CELF2: variants seen among roughly 807,000 people sequenced by gnomAD.
CELF2 encodes the protein CUGBP Elav-like family member 2, also known as CUG triplet repeat RNA-binding protein 2.
A neutral mutation model predicts 62.6 loss-of-function variants in CELF2; 8 were observed. The observed-to-expected ratio is 0.13, with a 90% CI of 0.07 to 0.23. The LOEUF (loss-of-function observed/expected upper bound fraction) is 0.23, where lower values mean the gene tolerates loss of function less well. Among genes scored for constraint, CELF2 ranks in the 10% least tolerant of loss-of-function variants. The pLI, the probability that CELF2 is intolerant of heterozygous loss-of-function variation, is 1.00. For synonymous variants in CELF2, 258 were observed against 250.0 expected (o/e 1.03, Z -0.30); for missense variants, 333 against 671.0 (o/e 0.50, Z 5.56).
At chr10:11,057,953 C>G (rs2065711988) in intron 1 of CELF2, among the ~76,000 whole-genome samples, 1 of 151,488 alleles carries the variant, frequency 6.6e-6, no homozygotes, top group African/African-American at 2.4e-5. Flanking sequence ...GAAGCTTTTT[C>G]TTCTTCCTCT....
chr10:11,082,568 T>A (rs1040027550), intron 1 of CELF2, among the ~76,000 whole-genome samples: 1 of 152,250 alleles, frequency 6.6e-6, no homozygotes, highest in Non-Finnish European at 1.5e-5. Context: ...ACTCCTCTTC[T>A]GTGGCTCTCA....
chr10:11,129,007 T>C (rs1022320636), intron 1 of CELF2, among the ~76,000 whole-genome samples: 1 of 152,224 alleles, frequency 6.6e-6, no homozygotes, highest in Non-Finnish European at 1.5e-5. Context: ...TGATATTGGC[T>C]GTGGGTTTGT....
chr10:11,188,010 T>C (rs75174417), intron 2 of CELF2, among the ~76,000 whole-genome samples: 4,591 of 152,332 alleles, frequency 0.03, 222 homozygotes, highest in African/African-American at 0.1. Context: ...TTAATATTTC[T>C]TGGGCAGCCA....
intron 2 of CELF2, among the ~76,000 whole-genome samples, chr10:10,966,292 A>G (rs1034038186): frequency 1.3e-5 from 2 of 152,190 alleles, no homozygotes; most frequent in Non-Finnish European, 2.9e-5. Flanking sequence ...GGAGACTCCA[A>G]TGCTGCTTTT....
chr10:10,512,245 A>T, the CELF2 span, among the ~76,000 whole-genome samples: 1 of 152,164 alleles, frequency 6.6e-6, no homozygotes, highest in Non-Finnish European at 1.5e-5. Flanking sequence ...TGTGCTGCTG[A>T]TGGCAACATC....
At chr10:11,205,493 G>A (rs368521856) in intron 2 of CELF2, among the ~76,000 whole-genome samples, 78 of 152,272 alleles carry the variant, frequency 5.1e-4, no homozygotes, top group Middle Eastern at 3.4e-3. Flanking sequence ...ATTTTCATAC[G>A]TTGTTTGGCT....
chr10:10,915,056 T>C (rs1347657237), intron 1 of CELF2, among the ~76,000 whole-genome samples: 1 of 150,874 alleles, frequency 6.6e-6, no homozygotes, highest in African/African-American at 2.4e-5. Flanking sequence ...CACTTGATCC[T>C]GGGAGGCGGA....
At chr10:11,097,105 C>T (rs930010889) in intron 1 of CELF2, among the ~76,000 whole-genome samples, 2 of 152,132 alleles carry the variant, frequency 1.3e-5, no homozygotes, top group Non-Finnish European at 2.9e-5. Context: ...TCATGTTTTC[C>T]CTGGGCAATT....
the CELF2 span, among the ~76,000 whole-genome samples, chr10:10,701,484 G>A: frequency 6.6e-6 from 1 of 152,236 alleles, no homozygotes; most frequent in Non-Finnish European, 1.5e-5. Context: ...GCAACTGTAA[G>A]TCTTGGTTAC....
the CELF2 span, among the ~76,000 whole-genome samples, chr10:10,547,998 G>A: frequency 2.0e-3 from 309 of 152,150 alleles, no homozygotes; most frequent in Non-Finnish European, 2.4e-3. Context: ...ATGATTTTTC[G>A]ATTTCATGTT....
At chr10:11,079,672 A>G (rs780881833) in intron 1 of CELF2, among the ~76,000 whole-genome samples, 3 of 152,080 alleles carry the variant, frequency 2.0e-5, no homozygotes, top group Non-Finnish European at 4.4e-5. Flanking sequence ...CTGTAAGTCA[A>G]TTAAACCTCT....
rs1565774804 is a variant in CELF2, at chr10:11,285,831, GTGT to G, written c.842-2586_842-2584del. ...CATCACCTACTATATATATTGGTGT[GTGT>G]GTGTGTGTGTGTGTGTGTGTGTGTG... is the stretch of plus-strand genomic sequence containing the variant. On this transcript the variant is annotated intron_variant, in intron 8 of 12. Coordinates refer to ENST00000633077, the MANE Select transcript of CELF2 (RefSeq NM_001326342.2). This position sits in a 1 kb window ranked among gnomAD's most constrained non-coding sequence, Gnocchi z 4.3. Among the ~76,000 whole-genome samples the G allele has an allele frequency of 3.3e-3, 46 of 13,756 alleles. No individual in the cohort carries two copies. The highest frequency in any genetic ancestry group is 0.011 in the African/African-American group (45 of 4,262). The allele number at this position is 13,756 out of a possible 152,430, so 9.0% of individuals were successfully genotyped here.
chr10:11,012,721 G>T lies in CELF2; in HGVS notation c.53+7281G>T, dbSNP rs905460499. ...TTGGGGAAAACATGTCGTCGGGGTG[G>T]GGGCAGTGAGGGGTGGACTGGGAAG... On this transcript the variant is annotated intron_variant, in intron 1 of 12. Transcript: ENST00000416382. This position sits in a 1 kb window ranked among gnomAD's most constrained non-coding sequence, Gnocchi z 5.5. 6.6e-6 allele frequency among the ~76,000 whole-genome samples: 1 copy of T among 152,160 alleles called. No individual in the cohort carries two copies. The highest frequency in any genetic ancestry group is 2.4e-5 in the African/African-American group (1 of 41,442).
Position 11,295,960 on chromosome 10 carries a change from C to T in CELF2, c.976+7408C>T, listed in dbSNP as rs145050602. Among the ~76,000 whole-genome samples the T allele has an allele frequency of 9.3e-4, 142 of 152,258 alleles. 3 individuals are homozygous for T. In the East Asian group the frequency reaches 0.024, roughly 26 times the overall value. The stretch of plus-strand genomic sequence containing the variant: ...GTTGGTGCAATGCCCCAACCTGGAG[C>T]AGGCTGGAGTCTCTTAATAGTCTGT... On this transcript the variant is annotated intron_variant, in intron 9 of 12. Coordinates refer to ENST00000633077, the MANE Select transcript of CELF2 (RefSeq NM_001326342.2).
chr10:10,763,684 G>T, the CELF2 span, among the ~76,000 whole-genome samples: 1 of 152,128 alleles, frequency 6.6e-6, no homozygotes, highest in Non-Finnish European at 1.5e-5. Context: ...CACGAACGCG[G>T]GAACAGAGGG....
intron 8 of CELF2, among the ~76,000 whole-genome samples, chr10:11,287,951 G>A (rs1166730554): frequency 1.3e-5 from 2 of 152,202 alleles, no homozygotes; most frequent in African/African-American, 2.4e-5. Flanking sequence ...CGTTTTGAGG[G>A]ACTGAGTTTA....
the CELF2 span, among the ~76,000 whole-genome samples, chr10:10,738,599 T>A: frequency 6.6e-6 from 1 of 152,208 alleles, no homozygotes; most frequent in Admixed American, 6.5e-5. Flanking sequence ...GTTGTATATA[T>A]TTAAGACATA....
chr10:10,885,372 T>G (rs939118503), intron 1 of CELF2, among the ~76,000 whole-genome samples: 9 of 151,916 alleles, frequency 5.9e-5, no homozygotes, highest in Non-Finnish European at 2.9e-5. Context: ...GATGTTTGTT[T>G]TTAAAAATTA....
intron 1 of CELF2, among the ~76,000 whole-genome samples, chr10:11,107,720 C>T (rs950237258): frequency 2.6e-5 from 4 of 151,536 alleles, no homozygotes; most frequent in Admixed American, 6.6e-5. Flanking sequence ...CAGGTCTCCC[C>T]TTGTTCCTTC....
Sources: gnomAD v4.1 joint callset for allele counts (sites outside exome capture counted in the v4.1 genomes callset) on GRCh38, gnomAD v4.1.1 for gene constraint, Gnocchi (gnomAD v3.1) non-coding constraint, MANE v1.5 for transcripts, NCBI Gene and HGNC (gene_info 2026-07-23, HGNC 2026-07-21) for gene names.